The following HGSNAT variants were observed in gnomAD, a reference collection of about 807,000 sequenced individuals.
The protein encoded by HGSNAT is transmembrane protein 76.
A neutral mutation model predicts 85.2 loss-of-function variants in HGSNAT; 59 were observed. The ratio of observed to expected loss-of-function variants is 0.69; its 90% CI spans 0.56 to 0.86. The LOEUF (loss-of-function observed/expected upper bound fraction) is 0.86. Ranked by LOEUF, HGSNAT falls within the 40% of genes least tolerant of loss-of-function variation. The pLI, the probability that HGSNAT is intolerant of heterozygous loss-of-function variation, is 0.00. For missense variants in HGSNAT, 756 were observed against 777.1 expected (o/e 0.97, Z 0.32); for synonymous variants, 321 against 304.5 (o/e 1.05, Z -0.56).
chr8:43,158,159 C>A (rs1391867913), intron 2 of HGSNAT, among the ~76,000 whole-genome samples: 1 of 151,994 alleles, frequency 6.6e-6, no homozygotes, highest in African/African-American at 2.4e-5. Flanking sequence ...AGTGCAGTGG[C>A]GTGATCTCAG....
At chr8:43,148,428 A>G (rs569006700) in intron 2 of HGSNAT, among the ~76,000 whole-genome samples, 127 of 151,976 alleles carry the variant, frequency 8.4e-4, no homozygotes, top group Non-Finnish European at 1.6e-3. Flanking sequence ...GGCAAGTAAG[A>G]CCATTATTAG....
At chr8:43,181,412 G>A (rs1396847336) in intron 10 of HGSNAT, among the ~76,000 whole-genome samples, 2 of 151,942 alleles carry the variant, frequency 1.3e-5, no homozygotes, top group South Asian at 2.1e-4. Flanking sequence ...TATCAGAGTC[G>A]GGAGGGCACT....
intron 1 of HGSNAT, among the ~76,000 whole-genome samples, chr8:43,141,880 C>G (rs2130656842): frequency 6.6e-6 from 1 of 152,244 alleles, no homozygotes; most frequent in Non-Finnish European, 1.5e-5. Context: ...CATTTTAGCG[C>G]CAGTATTAGC....
At position 43,146,973 on chromosome 8, in the gene HGSNAT, G is replaced by A. The variant is rs2130677225; in HGVS notation, c.144G>A (p.Glu48=). 6.2e-7 allele frequency: 1 copy of A among 1,604,982 alleles called. No individual in the cohort carries two copies. The highest frequency in any genetic ancestry group is 8.5e-7 in the Non-Finnish European group (1 of 1,176,958). The change falls in exon 2 of 18, where the codon GAG becomes GAA. Residue 48 remains glutamate (E), a synonymous_variant. Transcript: ENST00000379644. Reference sequence around the variant, plus strand: ...ACTTAGACAAAAAAAGACATGCAGAGCTGAAGATGGATCAGGCTTTGCTAC... The same window carrying A: ...ACTTAGACAAAAAAAGACATGCAGAACTGAAGATGGATCAGGCTTTGCTAC... ...PRDLDKKRHA[E]LKMDQALLLI...
At chr8:43,173,769 C>T in intron 9 of HGSNAT, 26 bp downstream of exon 9, 1 of 1,607,066 alleles carries the variant, frequency 6.2e-7, no homozygotes, top group Non-Finnish European at 8.5e-7. Flanking sequence ...GCCCTCTTCT[C>T]TTCCACGGGT....
intron 9 of HGSNAT, among the ~76,000 whole-genome samples, 154 bp from the exon 10 acceptor site, chr8:43,177,920 C>T (rs968973474): frequency 6.6e-6 from 1 of 152,206 alleles, no homozygotes; most frequent in Non-Finnish European, 1.5e-5. Context: ...ATATTCTGAA[C>T]TCTTCCTCTA....
rs560350991 is a variant in HGSNAT, at chr8:43,199,869, A to T, written c.*300A>T. On this transcript the variant is annotated 3_prime_UTR_variant, in exon 18 of 18. Transcript: ENST00000379644. The stretch of plus-strand genomic sequence containing the variant: ...ATAAGCTTTAACTTTCCAAAAGGGA[A>T]TTGCCATGGGTGTTTTTCTTCTGTG... 6.3e-5 allele frequency: 13 copies of T among 207,874 alleles called. 1 individual carries two copies. The South Asian group carries it at 1.9e-3, about 31-fold the overall frequency. 12.9% of individuals were successfully genotyped at this position (207,874 alleles called of 1,614,324 possible).
chr8:43,148,090 A>G (rs1802772601), intron 2 of HGSNAT, among the ~76,000 whole-genome samples: 1 of 151,996 alleles, frequency 6.6e-6, no homozygotes, highest in Non-Finnish European at 1.5e-5. Flanking sequence ...TAAAAATACA[A>G]AATTACCGGG....
In HGSNAT at chr8:43,170,607, C is replaced by G; in HGVS notation, c.656C>G (p.Thr219Arg). ...AAGGAGCTGGGATCTCCCAGCAGGA[C>G]AGACCCTCTCGATGGTGATGTTCAG... ...INSELGSPSR[T>R]DPLDGDVQPA... The change falls in exon 7 of 18, where the codon ACA becomes AGA. Residue 219 changes from threonine to arginine, a missense_variant. Thr to Arg is a moderately conservative substitution (Grantham distance 71, BLOSUM62 -1). Coordinates refer to ENST00000379644, the MANE Select transcript of HGSNAT (RefSeq NM_152419.3). 1 of 1,609,776 alleles carries G rather than the reference C, an allele frequency of 6.2e-7. No homozygotes were observed. Among genetic ancestry groups the G allele is most frequent in the Non-Finnish European group, 8.5e-7 (1 of 1,178,078 alleles).
chr8:43,175,972 A>C (rs542007394), intron 9 of HGSNAT, among the ~76,000 whole-genome samples: 1 of 152,002 alleles, frequency 6.6e-6, no homozygotes, highest in Non-Finnish European at 1.5e-5. Flanking sequence ...GGAGTTTGCA[A>C]ATATTTTCTC....
chr8:43,199,392 G>T lies in HGSNAT; in HGVS notation c.1731G>T (p.Met577Ile). The T allele has an allele frequency of 1.3e-6, 2 of 1,589,376 alleles. No homozygotes were observed. The highest frequency in any genetic ancestry group is 2.3e-5 in the East Asian group (1 of 44,320). Residue 577 changes from methionine (M) to isoleucine (I), a missense_variant, in exon 18 of 18, where the codon ATG (methionine) becomes ATT (isoleucine). Met to Ile is a conservative substitution (Grantham distance 10). Transcript: ENST00000379644. ...WTGTPFFYPG[M>I]NSILVYVGHE... ...CTGTATGTCTCTCTCCTTAAGGAAT[G>T]AATTCCATTCTGGTATATGTCGGCC...
chr8:43,202,573 G>A lies in HGSNAT; in HGVS notation c.*3004G>A, dbSNP rs192284706. The stretch of plus-strand genomic sequence containing the variant: ...TAATGGAGCAAAAAAATTCTATTCT[G>A]TAGAATGGGGAGAGAAAATGTGACA... On this transcript the variant is annotated 3_prime_UTR_variant, in exon 18 of 18. Transcript: ENST00000379644. 2.0e-5 allele frequency: 3 copies of A among 152,256 alleles called. No individual in the cohort carries two copies. The highest frequency in any genetic ancestry group is 2.0e-4 in the Admixed American group (3 of 15,298). 9.4% of individuals were successfully genotyped at this position (152,256 alleles called of 1,614,324 possible).
chr8:43,153,941 C>G (rs1803003428), intron 2 of HGSNAT, among the ~76,000 whole-genome samples: 1 of 152,186 alleles, frequency 6.6e-6, no homozygotes, highest in African/African-American at 2.4e-5. Context: ...TTTGTCCATT[C>G]ATCGGTTGAT....
At position 43,158,687 on chromosome 8, in the gene HGSNAT, C is replaced by A; in HGVS notation, c.347C>A (p.Thr116Asn). 1 of 1,606,928 alleles carries A rather than the reference C, an allele frequency of 6.2e-7. No individual in the cohort carries two copies. Among genetic ancestry groups the A allele is most frequent in the Non-Finnish European group, 8.5e-7 (1 of 1,176,402 alleles). ...QHGSILQLNDTLEEKEVCRLE... is the reference protein window; with the variant it reads ...QHGSILQLNDNLEEKEVCRLE... ...GGATCTATCCTGCAGCTGAACGACA[C>A]CTTGGAAGAGAAAGAAGTTTGTAGG... Residue 116 changes from threonine to asparagine, a missense_variant, in exon 3 of 18, where the codon ACC becomes AAC. Coordinates refer to ENST00000379644, the MANE Select transcript of HGSNAT (RefSeq NM_152419.3).
Position 43,192,413 on chromosome 8 carries a change from CA to C in HGSNAT, c.1361del (p.Gln454ArgfsTer28). 6.2e-7 allele frequency: 1 copy of C among 1,612,282 alleles called. No homozygotes were observed. Among genetic ancestry groups the C allele is most frequent in the South Asian group, 1.1e-5 (1 of 90,782 alleles). On this transcript the variant is annotated frameshift_variant, in exon 13 of 18. Transcript: ENST00000379644. LOFTEE classifies it high-confidence loss of function. ...GCTGCTGGGAGACGATCACCTTTACCAGCACCCATCTTCTGCTGTGAGTGAG... is the reference window on the plus strand; with the variant it reads ...GCTGCTGGGAGACGATCACCTTTACCGCACCCATCTTCTGCTGTGAGTGAG... ...RLLLGDDHLY[Q>X]HPSSAVLYHT... is the part of the protein sequence containing the mutation.
At chr8:43,142,627 T>C (rs951973505) in intron 1 of HGSNAT, among the ~76,000 whole-genome samples, 1 of 152,176 alleles carries the variant, frequency 6.6e-6, no homozygotes, top group East Asian at 1.9e-4. Flanking sequence ...GTTCGTTGTT[T>C]TTTGTGGGAA....
chr8:43,187,459 T>C (rs1804357250), intron 11 of HGSNAT, among the ~76,000 whole-genome samples: 1 of 152,236 alleles, frequency 6.6e-6, no homozygotes, highest in African/African-American at 2.4e-5. Flanking sequence ...AGACTTGGAT[T>C]GCAACTCCTG....
chr8:43,189,547 G>A (rs1446105536), intron 11 of HGSNAT, among the ~76,000 whole-genome samples: 1 of 152,180 alleles, frequency 6.6e-6, no homozygotes, highest in East Asian at 1.9e-4. Flanking sequence ...GCTTCCCTTG[G>A]CTAGGAAAGG....
chr8:43,187,928 C>T (rs1187999555), intron 11 of HGSNAT, among the ~76,000 whole-genome samples: 1 of 152,192 alleles, frequency 6.6e-6, no homozygotes, highest in Non-Finnish European at 1.5e-5. Flanking sequence ...ATATGAAATT[C>T]TAGACTGAAA....
Sources: allele counts gnomAD v4.1 joint callset (sites outside exome capture counted in the v4.1 genomes callset), GRCh38; gene constraint gnomAD v4.1.1; transcripts MANE v1.5; gene names NCBI Gene and HGNC (gene_info 2026-07-23, HGNC 2026-07-21).